The following NAPEPLD variants were observed in gnomAD, a reference collection of about 807,000 sequenced individuals.
NAPEPLD encodes the protein N-acyl phosphatidylethanolamine phospholipase D, also known as N-acyl-phosphatidylethanolamine-hydrolyzing phospholipase D.
NAPEPLD carries 23 observed loss-of-function variants against 38.1 expected under a neutral mutation model. That is an observed-to-expected ratio of 0.60 (90% confidence interval 0.43 to 0.86). The LOEUF is 0.86. Ranked by LOEUF, NAPEPLD falls within the 40% of genes least tolerant of loss-of-function variation. NAPEPLD has a pLI of 0.00. For missense variants in NAPEPLD, 411 were observed against 476.8 expected, an observed-to-expected ratio of 0.86 and a Z score of 1.28; for synonymous variants, 147 against 162.0, an observed-to-expected ratio of 0.91 and a Z score of 0.71.
intron 2 of NAPEPLD, among the ~76,000 whole-genome samples, chr7:103,124,455 T>C (rs929855946): frequency 1.3e-5 from 2 of 151,240 alleles, no homozygotes; most frequent in African/African-American, 4.9e-5. Flanking sequence ...CAAAACTCCG[T>C]CTTAGAAAAA....
In NAPEPLD at chr7:103,119,811, T is replaced by C; in HGVS notation, c.707A>G (p.Asn236Ser). Residue 236 changes from asparagine (N) to serine (S), a missense_variant, in exon 3 of 5, where the codon AAT becomes AGT. By Grantham distance (46) the Asn-to-Ser change is conservative. Coordinates refer to ENST00000465647, the MANE Select transcript of NAPEPLD (RefSeq NM_001122838.3). ...NVIELDWWEE[N>S]CVPGHDKVTF... ...GACCTTATCATGTCCGGGGACACAA[T>C]TCTCCTCCCACCAGTCCAACTCAAT... The C allele has an allele frequency of 2.5e-6, 4 of 1,614,150 alleles. No individual in the cohort carries two copies. The highest frequency in any genetic ancestry group is 3.4e-6 in the Non-Finnish European group (4 of 1,180,042).
At chr7:103,111,377 A>G (rs1208006738) in intron 4 of NAPEPLD, among the ~76,000 whole-genome samples, 1 of 152,224 alleles carries the variant, frequency 6.6e-6, no homozygotes, top group Non-Finnish European at 1.5e-5. Context: ...AGGTTACAGT[A>G]ATCAAAACAG....
chr7:103,110,516 CT>C, intron 4 of NAPEPLD, among the ~76,000 whole-genome samples: 1 of 152,216 alleles, frequency 6.6e-6, no homozygotes, highest in Non-Finnish European at 1.5e-5. Flanking sequence ...CAGAAAAGGC[CT>C]TCGACAAAAT....
intron 3 of NAPEPLD, among the ~76,000 whole-genome samples, chr7:103,118,878 T>C (rs1806064121): frequency 6.6e-6 from 1 of 152,182 alleles, no homozygotes; most frequent in African/African-American, 2.4e-5. Flanking sequence ...TATGTCAAGG[T>C]TGGAGGATGA....
At chr7:103,136,825 C>G (rs759283501) in intron 1 of NAPEPLD, among the ~76,000 whole-genome samples, 7 of 152,130 alleles carry the variant, frequency 4.6e-5, no homozygotes, top group Non-Finnish European at 7.4e-5. Context: ...TTTGTTAAAA[C>G]TTCAAATTTG....
Position 103,101,951 on chromosome 7 carries a change from C to G in NAPEPLD, c.*1478G>C, listed in dbSNP as rs1802457886. ...CTCCCTTAGGAAGGGTCAGAATAAT[C>G]AAGTGAATACAGAGTCCTTATTAGG... On this transcript the variant is annotated 3_prime_UTR_variant, in exon 5 of 5. Coordinates refer to ENST00000465647, the MANE Select transcript of NAPEPLD (RefSeq NM_001122838.3). The G allele has an allele frequency of 6.6e-6, 1 of 151,808 alleles. No homozygotes were observed. Among genetic ancestry groups the G allele is most frequent in the African/African-American group, 2.4e-5 (1 of 41,334 alleles). 9.4% of individuals were successfully genotyped at this position (151,808 alleles called of 1,614,324 possible). A position where few individuals can be genotyped will look rare whatever the true frequency, so the allele number is the denominator to read the frequency against.
chr7:103,129,229 CACAA>C (rs888535612), intron 1 of NAPEPLD: 367 of 836,676 alleles, frequency 4.4e-4, no homozygotes, highest in African/African-American at 5.3e-4. Context: ...CACGCCATTG[CACAA>C]ACAAACAAAC....
At chr7:103,104,611 A>G (rs528095116) in intron 4 of NAPEPLD, among the ~76,000 whole-genome samples, 16 of 152,200 alleles carry the variant, frequency 1.1e-4, no homozygotes, top group Non-Finnish European at 1.9e-4. Context: ...ATACCTTTCA[A>G]CTGACTACTG....
At position 103,128,618 on chromosome 7, in the gene NAPEPLD, A is replaced by G; in HGVS notation, c.159T>C (p.Asp53=). ...SFKLDYRLEE[D]VTKSKKGKDG... is the part of the protein sequence containing the mutation. ...CTTTTCCTTTCTTGGATTTAGTTAC[A>G]TCTTCTTCTAGTCTATAATCCAGTT... Residue 53 remains aspartate, a synonymous_variant, in exon 2 of 5, where the codon GAT becomes GAC. Transcript: ENST00000465647. 2 of 1,614,192 alleles carry G rather than the reference A, an allele frequency of 1.2e-6. No homozygotes were observed. Among genetic ancestry groups the G allele is most frequent in the Non-Finnish European group, 1.7e-6 (2 of 1,180,032 alleles).
At chr7:103,129,270 G>A (rs778566993) in intron 1 of NAPEPLD, 11 of 971,208 alleles carry the variant, frequency 1.1e-5, no homozygotes, top group Non-Finnish European at 1.3e-5. Flanking sequence ...AAAGAAAGAA[G>A]GATGTTTGCT....
intron 4 of NAPEPLD, among the ~76,000 whole-genome samples, chr7:103,113,002 T>G (rs1447648240): frequency 1.3e-5 from 2 of 152,188 alleles, no homozygotes; most frequent in African/African-American, 2.4e-5. Flanking sequence ...TTTAATCCTC[T>G]CTCATCTTCC....
At chr7:103,130,612 TG>T (rs1357795947) in intron 1 of NAPEPLD, among the ~76,000 whole-genome samples, 1 of 152,166 alleles carries the variant, frequency 6.6e-6, no homozygotes, top group Non-Finnish European at 1.5e-5. Context: ...TTTTTATTTT[TG>T]AGACAGGGTC....
intron 2 of NAPEPLD, among the ~76,000 whole-genome samples, chr7:103,120,455 G>A (rs1345048126): frequency 2.6e-5 from 4 of 152,046 alleles, no homozygotes; most frequent in Non-Finnish European, 5.9e-5. Flanking sequence ...ATGCAAAAGA[G>A]AAAATTAAAT....
At chr7:103,111,884 T>C (rs1275297327) in intron 4 of NAPEPLD, among the ~76,000 whole-genome samples, 5 of 151,406 alleles carry the variant, frequency 3.3e-5, no homozygotes, top group Non-Finnish European at 5.9e-5. Flanking sequence ...ATAACAAAAA[T>C]CTACAAAGAA....
chr7:103,142,753 T>C (rs371649461), intron 1 of NAPEPLD, among the ~76,000 whole-genome samples: 1 of 152,144 alleles, frequency 6.6e-6, no homozygotes, highest in African/African-American at 2.4e-5. Context: ...GTGCACAATA[T>C]TTATGGAATG....
At chr7:103,145,893 A>C (rs1044089596) in intron 1 of NAPEPLD, among the ~76,000 whole-genome samples, 1 of 152,156 alleles carries the variant, frequency 6.6e-6, no homozygotes, top group South Asian at 2.1e-4. Flanking sequence ...AGTTTAAAAA[A>C]AAAAAAAGAA....
At chr7:103,114,470 A>C in intron 4 of NAPEPLD, among the ~76,000 whole-genome samples, 1 of 151,560 alleles carries the variant, frequency 6.6e-6, no homozygotes, top group South Asian at 2.1e-4. Flanking sequence ...ATTGCCCTCC[A>C]CTCTCCTGCT....
chr7:103,115,984 CTT>C (rs1166375514), intron 3 of NAPEPLD, among the ~76,000 whole-genome samples: 1 of 152,112 alleles, frequency 6.6e-6, no homozygotes, highest in Non-Finnish European at 1.5e-5. Flanking sequence ...GTGGGAGAGT[CTT>C]AGGCTAATGA....
At chr7:103,138,261 T>TG (rs1416876389) in intron 1 of NAPEPLD, among the ~76,000 whole-genome samples, 2 of 144,008 alleles carry the variant, frequency 1.4e-5, no homozygotes, top group Admixed American at 1.4e-4. Flanking sequence ...GCTTCCAAAA[T>TG]GGGACTACTT....
Sources: allele counts gnomAD v4.1 joint callset (sites outside exome capture counted in the v4.1 genomes callset), GRCh38; gene constraint gnomAD v4.1.1; transcripts MANE v1.5; gene names NCBI Gene and HGNC (gene_info 2026-07-23, HGNC 2026-07-21).